Variants in SPAG16 observed in about 807,000 individuals in gnomAD.
SPAG16 encodes the protein sperm associated antigen 16.
A neutral mutation model predicts 80.4 loss-of-function variants in SPAG16; 86 were observed. The ratio of observed to expected loss-of-function variants is 1.07; its 90% confidence interval spans 0.90 to 1.28. SPAG16 has a LOEUF of 1.28. SPAG16 is among the 50% of genes most tolerant of loss of function. The pLI, the probability that SPAG16 is intolerant of heterozygous loss-of-function variation, is 0.00. For synonymous variants in SPAG16, 294 were observed against 265.9 expected, an observed-to-expected ratio of 1.11 and a Z score of -1.03; for missense variants, 870 against 765.3, an observed-to-expected ratio of 1.14 and a Z score of -1.61.
chr2:213,949,179 T>TTTTTTTTTTTTTTTGTTTTTTTTTTTG (rs1575623841), intron 12 of SPAG16, among the ~76,000 whole-genome samples: 2 of 36,242 alleles, frequency 5.5e-5, no homozygotes, highest in Admixed American at 4.8e-4. Flanking sequence ...GTTTTTTTTT[T>TTTTTTTTTTTTTTTGTTTTTTTTTTTG]TTTTTTTTTT....
At chr2:213,797,647 A>T (rs1478964174) in intron 10 of SPAG16, among the ~76,000 whole-genome samples, 1 of 152,238 alleles carries the variant, frequency 6.6e-6, no homozygotes, top group Non-Finnish European at 1.5e-5. Flanking sequence ...CTGTCCAAGG[A>T]CACGTTTCTC....
intron 10 of SPAG16, among the ~76,000 whole-genome samples, chr2:213,572,528 G>T (rs2126010753): frequency 6.6e-6 from 1 of 151,954 alleles, no homozygotes; most frequent in South Asian, 2.1e-4. Flanking sequence ...CTGCTGGGGG[G>T]TGCCTCCCAG....
chr2:213,543,060 C>T (rs1358102841), intron 10 of SPAG16, among the ~76,000 whole-genome samples: 1 of 151,894 alleles, frequency 6.6e-6, no homozygotes, highest in African/African-American at 2.4e-5. Context: ...TACAAATTTT[C>T]CAAATGTTTA....
intron 13 of SPAG16, among the ~76,000 whole-genome samples, chr2:214,106,621 C>T (rs1405615332): frequency 6.6e-6 from 1 of 152,074 alleles, no homozygotes; most frequent in East Asian, 1.9e-4. Context: ...TTGCTTGGTT[C>T]AGAGATACTC....
At chr2:213,376,716 A>G (rs2066899404) in intron 9 of SPAG16, among the ~76,000 whole-genome samples, 1 of 152,116 alleles carries the variant, frequency 6.6e-6, no homozygotes, top group Non-Finnish European at 1.5e-5. Context: ...GTCATAATTG[A>G]TAACATTTAC....
At chr2:213,519,972 T>G (rs762945933) in intron 10 of SPAG16, among the ~76,000 whole-genome samples, 1 of 151,492 alleles carries the variant, frequency 6.6e-6, no homozygotes, top group South Asian at 2.1e-4. Flanking sequence ...ATGTCCTTAT[T>G]AGAAAAGAAG....
intron 10 of SPAG16, among the ~76,000 whole-genome samples, chr2:213,647,467 A>C (rs1559341723): frequency 6.6e-6 from 1 of 152,174 alleles, no homozygotes. Context: ...TTTAAGACTC[A>C]GGTCCCGCTG....
intron 14 of SPAG16, among the ~76,000 whole-genome samples, chr2:214,138,753 A>T (rs1020925812): frequency 6.6e-6 from 1 of 152,176 alleles, no homozygotes; most frequent in Non-Finnish European, 1.5e-5. Context: ...GAAACCTTTT[A>T]TTCAGAGAGG....
intron 11 of SPAG16, among the ~76,000 whole-genome samples, chr2:213,871,777 A>G (rs1204883610): frequency 6.6e-6 from 1 of 151,788 alleles, no homozygotes; most frequent in Non-Finnish European, 1.5e-5. Flanking sequence ...CTAATCTAGA[A>G]GAAACTTCTG....
At chr2:214,019,693 G>T (rs188412599) in intron 13 of SPAG16, among the ~76,000 whole-genome samples, 9 of 152,268 alleles carry the variant, frequency 5.9e-5, no homozygotes, top group Non-Finnish European at 1.2e-4. Context: ...ATAGGATCTG[G>T]TGAACTCTAA....
chr2:214,321,915 T>G (rs768175365), intron 15 of SPAG16, among the ~76,000 whole-genome samples: 5 of 152,210 alleles, frequency 3.3e-5, no homozygotes, highest in Non-Finnish European at 5.9e-5. Flanking sequence ...ATACCCCCAA[T>G]CTGAATTAGC....
intron 15 of SPAG16, among the ~76,000 whole-genome samples, chr2:214,214,877 G>T (rs1006944291): frequency 6.6e-6 from 1 of 150,796 alleles, no homozygotes; most frequent in African/African-American, 2.4e-5. Context: ...CATCTAGAAT[G>T]CTCTGCAGCT....
chr2:214,093,611 G>A (rs2052376327), intron 13 of SPAG16, among the ~76,000 whole-genome samples: 1 of 151,984 alleles, frequency 6.6e-6, no homozygotes, highest in South Asian at 2.1e-4. Flanking sequence ...TGATGTTTGT[G>A]TATGTATATG....
intron 10 of SPAG16, among the ~76,000 whole-genome samples, chr2:213,830,952 G>C (rs1196749792): frequency 6.6e-6 from 1 of 151,588 alleles, no homozygotes; most frequent in African/African-American, 2.4e-5. Flanking sequence ...GTAGAATAAG[G>C]GTCTGATTTA....
chr2:213,572,673 G>T (rs2126011315), intron 10 of SPAG16, among the ~76,000 whole-genome samples: 1 of 152,124 alleles, frequency 6.6e-6, no homozygotes, highest in African/African-American at 2.4e-5. Context: ...AGTCTGCAGA[G>T]GTTACTGCTG....
At chr2:214,139,995 G>T (rs989599788) in intron 14 of SPAG16, among the ~76,000 whole-genome samples, 17 of 152,032 alleles carry the variant, frequency 1.1e-4, no homozygotes, top group African/African-American at 3.9e-4. Context: ...TGCCATCTTG[G>T]GCCAAACCAA....
intron 9 of SPAG16, among the ~76,000 whole-genome samples, chr2:213,439,290 G>A (rs781288093): frequency 4.6e-5 from 7 of 152,038 alleles, no homozygotes; most frequent in East Asian, 1.9e-4. Context: ...AAAGGGGAGC[G>A]GCTTTGGAAC....
chr2:213,637,885 T>C (rs1241300076), intron 10 of SPAG16, among the ~76,000 whole-genome samples: 2 of 152,110 alleles, frequency 1.3e-5, no homozygotes, highest in Non-Finnish European at 2.9e-5. Flanking sequence ...GCCTCCTGAG[T>C]AGCTGGGACT....
intron 15 of SPAG16, among the ~76,000 whole-genome samples, chr2:214,210,837 G>GCACACACA (rs200090169): frequency 6.8e-6 from 1 of 147,570 alleles, no homozygotes; most frequent in Non-Finnish European, 1.5e-5. Flanking sequence ...ACATGCGCGC[G>GCACACACA]CGCACACACA....
Sources: allele counts gnomAD v4.1 joint callset (sites outside exome capture counted in the v4.1 genomes callset), GRCh38; gene constraint gnomAD v4.1.1; transcripts MANE v1.5; gene names NCBI Gene and HGNC (gene_info 2026-07-23, HGNC 2026-07-21).